Variants in NELL2 observed in about 807,000 individuals in gnomAD.
NELL2 encodes the protein neural EGFL like 2.
Under a neutral mutation model 109.6 loss-of-function variants are expected in NELL2, and 41 were observed. The observed-to-expected ratio is 0.37, with a 90% CI of 0.29 to 0.49. The LOEUF (loss-of-function observed/expected upper bound fraction) is 0.49, where lower values mean the gene tolerates loss of function less well. Among genes scored for constraint, NELL2 ranks in the 20% least tolerant of loss-of-function variants. The pLI is 0.98. For synonymous variants in NELL2, 355 were observed against 344.7 expected (o/e 1.03, Z -0.33); for missense variants, 900 against 1,008.3 (o/e 0.89, Z 1.45).
At chr12:44,744,246 A>AACC (rs1940187893) in intron 9 of NELL2, among the ~76,000 whole-genome samples, 1 of 152,224 alleles carries the variant, frequency 6.6e-6, no homozygotes, top group African/African-American at 2.4e-5. Context: ...TGTTCTTTGA[A>AACC]ACCAACGAGA....
chr12:44,893,021 A>G (rs1945553738), intron 1 of NELL2, among the ~76,000 whole-genome samples: 2 of 152,184 alleles, frequency 1.3e-5, no homozygotes, highest in Admixed American at 1.3e-4. Flanking sequence ...CAGTCCACAT[A>G]GTCATTTCCT....
chr12:44,902,364 AAGG>A (rs1945670459), intron 1 of NELL2, among the ~76,000 whole-genome samples: 1 of 152,182 alleles, frequency 6.6e-6, no homozygotes, highest in East Asian at 1.9e-4. Context: ...GGACCTCTTC[AAGG>A]AGAACTAAAA....
At chr12:44,835,169 C>G (rs957736455) in intron 2 of NELL2, among the ~76,000 whole-genome samples, 1 of 152,142 alleles carries the variant, frequency 6.6e-6, no homozygotes, top group Non-Finnish European at 1.5e-5. Flanking sequence ...ACCCAGGACA[C>G]AGGCCAGAGG....
rs1015987444 is a variant in NELL2 at position 44,886,073 on chromosome 12, C to T, written c.39-10173G>A. Among the ~76,000 whole-genome samples the T allele has an allele frequency of 6.0e-5, 8 of 134,176 alleles. No homozygotes were observed. The South Asian group carries it at 6.9e-4, about 12-fold the overall frequency. 88.0% of individuals were successfully genotyped at this position (134,176 alleles called of 152,430 possible). On this transcript the variant is annotated intron_variant, in intron 1 of 20. Transcript: ENST00000333837. ...GAACAATGATGCCAGAACAATGGAA[C>T]ATCCATATAGTAAGGAAGGAAGGAA...
At chr12:44,677,460 G>A (rs1948355856) in intron 12 of NELL2, among the ~76,000 whole-genome samples, 1 of 152,072 alleles carries the variant, frequency 6.6e-6, no homozygotes, top group Non-Finnish European at 1.5e-5. Flanking sequence ...AATTTCTTCT[G>A]CAATTTCCAG....
At chr12:44,679,745 A>G (rs746046975) in intron 12 of NELL2, among the ~76,000 whole-genome samples, 26 of 152,238 alleles carry the variant, frequency 1.7e-4, no homozygotes, top group Middle Eastern at 6.8e-3. Context: ...CCTGTTGTAG[A>G]AAATTTCCAG....
intron 2 of NELL2, among the ~76,000 whole-genome samples, chr12:44,834,899 GAGA>G (rs3037976): frequency 0.011 from 1,674 of 152,292 alleles, 29 homozygotes; most frequent in African/African-American, 0.038. Flanking sequence ...GTGTTGCCAG[GAGA>G]AGGCTTTCTG....
At chr12:44,601,735 G>A (rs1212864588) in intron 15 of NELL2, among the ~76,000 whole-genome samples, 14 of 152,120 alleles carry the variant, frequency 9.2e-5, no homozygotes, top group Non-Finnish European at 1.5e-5. Context: ...ATGGTGCTAT[G>A]TGCCTTACTT....
intron 13 of NELL2, 57 bp downstream of exon 13, chr12:44,665,427 T>A (rs1170002477): frequency 6.7e-7 from 1 of 1,485,800 alleles, no homozygotes; most frequent in East Asian, 2.4e-5. Flanking sequence ...CAAAGAAATT[T>A]TTAAAAGTAA....
At chr12:44,519,050 A>G (rs1021995272) in intron 19 of NELL2, among the ~76,000 whole-genome samples, 1 of 152,204 alleles carries the variant, frequency 6.6e-6, no homozygotes, top group Non-Finnish European at 1.5e-5. Context: ...TGTTACTTCA[A>G]TCTACTCTGG....
chr12:44,778,288 T>A (rs1592514198), intron 5 of NELL2, among the ~76,000 whole-genome samples: 1 of 152,204 alleles, frequency 6.6e-6, no homozygotes, highest in East Asian at 1.9e-4. Flanking sequence ...ATAGCATGTA[T>A]CAATGTGAAC....
rs376384695 is a variant in NELL2 at position 44,586,844 on chromosome 12, C to T, written c.1663+20325G>A. Among the ~76,000 whole-genome samples the T allele has an allele frequency of 4.6e-5, 7 of 152,310 alleles. No individual in the cohort carries two copies. The South Asian group carries it at 1.2e-3, about 27-fold the overall frequency. On this transcript the variant is annotated intron_variant, in intron 15 of 19. Transcript: ENST00000429094. ...CGATGTTGCCCAATTTTCTTCATCA[C>T]GTTTCCAATGCCCTGCACAAAGTCA...
At chr12:44,871,123 C>T (rs1160695406) in intron 2 of NELL2, among the ~76,000 whole-genome samples, 2 of 152,120 alleles carry the variant, frequency 1.3e-5, no homozygotes. Flanking sequence ...GTCCCTTTGC[C>T]TATCCCCATA....
chr12:44,546,727 G>A (rs528526860), intron 15 of NELL2, among the ~76,000 whole-genome samples: 1 of 152,078 alleles, frequency 6.6e-6, no homozygotes, highest in African/African-American at 2.4e-5. Flanking sequence ...CAGATCAGTT[G>A]TACAATCCAA....
chr12:44,620,130 T>TC (rs1945997696), intron 13 of NELL2, among the ~76,000 whole-genome samples: 1 of 151,606 alleles, frequency 6.6e-6, no homozygotes, highest in Middle Eastern at 3.2e-3. Flanking sequence ...TGTTTTTTTT[T>TC]TTTTTTTATG....
At chr12:44,572,043 T>TTC (rs568407320) in intron 15 of NELL2, among the ~76,000 whole-genome samples, 3 of 151,964 alleles carry the variant, frequency 2.0e-5, no homozygotes, top group East Asian at 1.9e-4. Context: ...CTTTCTTTCT[T>TTC]TCTCTCTCTC....
At position 44,539,029 on chromosome 12, in the gene NELL2, G is replaced by T. The variant is rs193137548; in HGVS notation, c.1664-6308C>A. 2.6e-3 allele frequency among the ~76,000 whole-genome samples: 393 copies of T among 152,114 alleles called. 4 individuals are homozygous for T. Among genetic ancestry groups the T allele is most frequent in the Non-Finnish European group, 9.1e-4 (62 of 68,008 alleles). On this transcript the variant is annotated intron_variant, in intron 15 of 19. Transcript: ENST00000429094. ...CTATCTGTCCCATACTAAAATTAATGTTCCTTGGGGAAGCTTTCCTGGACT... is the reference window on the plus strand; with the variant it reads ...CTATCTGTCCCATACTAAAATTAATTTTCCTTGGGGAAGCTTTCCTGGACT...
intron 15 of NELL2, among the ~76,000 whole-genome samples, chr12:44,581,115 T>C (rs920730831): frequency 6.6e-6 from 1 of 152,176 alleles, no homozygotes; most frequent in Non-Finnish European, 1.5e-5. Flanking sequence ...TCCACATGCA[T>C]ATAATTTCAG....
Position 44,527,225 on chromosome 12 carries a change from T to C in NELL2, c.1805-3741A>G, listed in dbSNP as rs372416169. Among the ~76,000 whole-genome samples, 85 of 152,326 alleles carry C rather than the reference T, an allele frequency of 5.6e-4. No homozygotes were observed. In the South Asian group the frequency reaches 0.012, roughly 22 times the overall value. On this transcript the variant is annotated intron_variant, in intron 16 of 19. Transcript: ENST00000429094. ...TATCATGTAAACTTCATTTTTTTGG[T>C]ATCAAAAGTTCAAAAAACTTCACCA...
Sources: allele counts gnomAD v4.1 joint callset (sites outside exome capture counted in the v4.1 genomes callset), GRCh38; gene constraint gnomAD v4.1.1; transcripts MANE v1.5; gene names NCBI Gene and HGNC (gene_info 2026-07-23, HGNC 2026-07-21).